The following GRM1 variants were observed in gnomAD, a reference collection of about 807,000 sequenced individuals.
GRM1 encodes the protein metabotropic glutamate receptor 1.
In GRM1, 33 loss-of-function variants were observed where a neutral mutation model predicts 90.9. The observed-to-expected ratio is 0.36, with a 90% CI of 0.28 to 0.49. The LOEUF (loss-of-function observed/expected upper bound fraction) is 0.49, where lower values mean the gene tolerates loss of function less well. Among genes scored for constraint, GRM1 ranks in the 20% least tolerant of loss-of-function variants. GRM1 has a pLI of 0.99. For missense variants in GRM1, 1,190 were observed against 1,534.3 expected, an observed-to-expected ratio of 0.78 and a Z score of 3.75; for synonymous variants, 700 against 613.2, an observed-to-expected ratio of 1.14 and a Z score of -2.09.
rs576652756 is a variant in GRM1 at position 146,237,277 on chromosome 6, A to G, written c.951-67334A>G. ...GGGAATTCCTTGATGCTTATTTTTG[A>G]TAAGTATAACTCTCCTATTCCCAAG... On this transcript the variant is annotated intron_variant, in intron 2 of 7. Coordinates refer to ENST00000282753, the MANE Select transcript of GRM1 (RefSeq NM_001278064.2). Among the ~76,000 whole-genome samples the G allele has an allele frequency of 3.9e-5, 6 of 152,152 alleles. No homozygotes were observed. The East Asian group carries it at 1.2e-3, about 30-fold the overall frequency.
intron 2 of GRM1, among the ~76,000 whole-genome samples, chr6:146,251,087 G>T (rs1781251439): frequency 6.6e-6 from 1 of 152,190 alleles, no homozygotes; most frequent in Non-Finnish European, 1.5e-5. Flanking sequence ...GTCCTTGGAA[G>T]AATATACAAT....
At chr6:146,269,152 A>G (rs965008785) in intron 2 of GRM1, among the ~76,000 whole-genome samples, 5 of 152,220 alleles carry the variant, frequency 3.3e-5, no homozygotes, top group Non-Finnish European at 5.9e-5. Flanking sequence ...GAAGCAAACC[A>G]GGTGACATGA....
intron 1 of GRM1, among the ~76,000 whole-genome samples, chr6:146,045,749 C>CAAA (rs58055832): frequency 1.1e-4 from 10 of 87,404 alleles, no homozygotes; most frequent in African/African-American, 2.1e-4. Context: ...TGGAATACAG[C>CAAA]AAAAAAAAAA....
At chr6:146,181,309 T>C (rs1778545011) in intron 2 of GRM1, among the ~76,000 whole-genome samples, 4 of 151,562 alleles carry the variant, frequency 2.6e-5, no homozygotes, top group Admixed American at 2.6e-4. Context: ...AGAAATGAAA[T>C]GTCTGAGGCA....
chr6:146,059,988 G>A (rs901683082), intron 1 of GRM1, among the ~76,000 whole-genome samples: 1 of 152,158 alleles, frequency 6.6e-6, no homozygotes, highest in Non-Finnish European at 1.5e-5. Flanking sequence ...CTCCTTAACA[G>A]CAATAAGGCT....
At chr6:146,144,625 C>T (rs1275548994) in intron 1 of GRM1, among the ~76,000 whole-genome samples, 2 of 152,270 alleles carry the variant, frequency 1.3e-5, no homozygotes, top group East Asian at 1.9e-4. Flanking sequence ...AAACAGACTA[C>T]AACAGAAAAT....
At chr6:146,261,432 C>G (rs1342212873) in intron 2 of GRM1, among the ~76,000 whole-genome samples, 1 of 152,012 alleles carries the variant, frequency 6.6e-6, no homozygotes, top group Admixed American at 6.6e-5. Flanking sequence ...TTAAATGTGC[C>G]AGTTCAAACA....
chr6:146,394,572 G>A (rs1408608128), intron 6 of GRM1, among the ~76,000 whole-genome samples: 2 of 152,108 alleles, frequency 1.3e-5, no homozygotes, highest in East Asian at 3.9e-4. Flanking sequence ...ATTACTAATG[G>A]GTGTAATCAT....
At chr6:146,407,960 G>GT (rs745390969) in intron 7 of GRM1, among the ~76,000 whole-genome samples, 6 of 152,164 alleles carry the variant, frequency 3.9e-5, no homozygotes, top group Non-Finnish European at 8.8e-5. Flanking sequence ...GTCAGATGTT[G>GT]TTTTTAGTCA....
chr6:146,323,434 GTTGT>G (rs1784278742), intron 3 of GRM1, among the ~76,000 whole-genome samples: 1 of 152,054 alleles, frequency 6.6e-6, no homozygotes, highest in Admixed American at 6.6e-5. Context: ...TTTTGATGGG[GTTGT>G]TTGTTTTTTT....
chr6:146,371,131 T>G (rs79429804), intron 5 of GRM1, among the ~76,000 whole-genome samples: 4,241 of 152,102 alleles, frequency 0.028, 173 homozygotes, highest in African/African-American at 0.093. Context: ...GCACTGTGAA[T>G]GCAAAGGAAA....
rs1176604416 is a variant in GRM1 at position 146,399,539 on chromosome 6, A to T, written c.2500A>T (p.Lys834Ter). The T allele has an allele frequency of 6.2e-7, 1 of 1,614,116 alleles. No homozygotes were observed. The highest frequency in any genetic ancestry group is 1.7e-5 in the Admixed American group (1 of 60,026). Residue 834 changes from lysine (K) to a stop codon, truncating the protein, a stop_gained, in exon 7 of 8, where the codon AAG becomes TAG. Transcript: ENST00000282753. LOFTEE classifies it high-confidence loss of function. The surrounding 1 kb of genome is among the most constrained non-coding windows in gnomAD (Gnocchi z 5.4). ...TVALGCMFTP[K>*]MYIIIAKPER... The stretch of plus-strand genomic sequence containing the variant: ...GGCTCTGGGGTGCATGTTCACTCCC[A>T]AGATGTACATCATTATTGCCAAGCC...
At chr6:146,387,208 G>T (rs1319292452) in intron 6 of GRM1, among the ~76,000 whole-genome samples, 192 bp downstream of exon 6, 1 of 152,088 alleles carries the variant, frequency 6.6e-6, no homozygotes, top group East Asian at 1.9e-4. Context: ...GAAAGTTCAT[G>T]TAAATCTAAA....
At chr6:146,289,561 T>A (rs560960267) in intron 2 of GRM1, among the ~76,000 whole-genome samples, 1 of 152,274 alleles carries the variant, frequency 6.6e-6, no homozygotes, top group East Asian at 1.9e-4. Flanking sequence ...AAATGCCCAG[T>A]GTTTATAAAG....
intron 1 of GRM1, among the ~76,000 whole-genome samples, chr6:146,061,314 C>T (rs1410118894): frequency 6.6e-6 from 1 of 152,074 alleles, no homozygotes; most frequent in Non-Finnish European, 1.5e-5. Flanking sequence ...GGAAAAATGG[C>T]ACTCATAGAC....
chr6:146,385,190 A>G (rs1776457757), intron 5 of GRM1, among the ~76,000 whole-genome samples: 1 of 152,124 alleles, frequency 6.6e-6, no homozygotes, highest in Non-Finnish European at 1.5e-5. Context: ...AGTCATTACA[A>G]TTAAGTTGCT....
At chr6:146,076,662 T>A (rs6914813) in intron 1 of GRM1, among the ~76,000 whole-genome samples, 1 of 151,914 alleles carries the variant, frequency 6.6e-6, no homozygotes, top group Non-Finnish European at 1.5e-5. Context: ...GAAGCCCCAT[T>A]TAGGTCATGT....
At chr6:146,206,349 G>T (rs1225661504) in intron 2 of GRM1, among the ~76,000 whole-genome samples, 3 of 152,172 alleles carry the variant, frequency 2.0e-5, no homozygotes, top group African/African-American at 7.2e-5. Flanking sequence ...ATGCTCCCAT[G>T]AGAGGAAGAA....
Position 146,374,614 on chromosome 6 carries a change from G to A in GRM1, c.1603-12276G>A, listed in dbSNP as rs543722750. Among the ~76,000 whole-genome samples the A allele has an allele frequency of 1.3e-4, 20 of 152,080 alleles. No individual in the cohort carries two copies. In the East Asian group the frequency reaches 2.7e-3, roughly 21 times the overall value. On this transcript the variant is annotated intron_variant, in intron 5 of 7. Transcript: ENST00000282753. ...ATCTTGGTAGGTTGTGTGTATCCAC[G>A]GATTTGTCTATTTCTTCTAGATTTT... is the stretch of plus-strand genomic sequence containing the variant.
Sources: gnomAD v4.1 joint callset for allele counts (sites outside exome capture counted in the v4.1 genomes callset) on GRCh38, gnomAD v4.1.1 for gene constraint, Gnocchi (gnomAD v3.1) non-coding constraint, MANE v1.5 for transcripts, NCBI Gene and HGNC (gene_info 2026-07-23, HGNC 2026-07-21) for gene names.